Variants in KYAT3 observed in about 807,000 individuals in gnomAD.
KYAT3 encodes kynurenine--oxoglutarate transaminase 3.
A neutral mutation model predicts 59.0 loss-of-function variants in KYAT3; 50 were observed. The ratio of observed to expected loss-of-function variants is 0.85; its 90% CI spans 0.68 to 1.07. The LOEUF is 1.07. Ranked by LOEUF, KYAT3 falls within the 50% of genes least tolerant of loss-of-function variation. KYAT3 has a pLI of 0.00. For missense variants in KYAT3, 497 were observed against 533.3 expected (o/e 0.93, Z 0.67); for synonymous variants, 148 against 177.0 (o/e 0.84, Z 1.30).
In KYAT3 at chr1:88,961,437, A is replaced by C. The variant is rs571255203; in HGVS notation, c.610T>G (p.Phe204Val). ...ATAATAGCTTTGGTTTTGGAATTAA[A>C]TTTACTTTCCAGTTCTTGAGGATCT... Reference protein sequence around the residue: ...TLDPQELESKFNSKTKAIILN... With the variant: ...TLDPQELESKVNSKTKAIILN... The change falls in exon 7 of 14, where the codon TTT becomes GTT. Residue 204 changes from phenylalanine (F) to valine (V), a missense_variant. Physicochemically the swap from Phe to Val is conservative, Grantham distance 50. Coordinates refer to ENST00000260508, the MANE Select transcript of KYAT3 (RefSeq NM_001008661.3). The C allele has an allele frequency of 2.5e-6, 4 of 1,613,946 alleles. No homozygotes were observed. The South Asian group carries it at 4.4e-5, about 18-fold the overall frequency.
intron 11 of KYAT3, among the ~76,000 whole-genome samples, chr1:88,947,892 G>C (rs1675506252): frequency 6.6e-6 from 1 of 152,100 alleles, no homozygotes; most frequent in Non-Finnish European, 1.5e-5. Flanking sequence ...AGGAATTCAT[G>C]ACCAGCCTGG....
At chr1:88,959,592 A>T (rs1372606961) in intron 8 of KYAT3, among the ~76,000 whole-genome samples, 2 of 143,414 alleles carry the variant, frequency 1.4e-5, no homozygotes, top group Non-Finnish European at 3.1e-5. Context: ...AAAAAAAAAA[A>T]ATTAAATAAC....
intron 2 of KYAT3, among the ~76,000 whole-genome samples, chr1:88,974,535 A>G (rs1034006345): frequency 7.6e-6 from 1 of 132,062 alleles, no homozygotes; most frequent in Admixed American, 9.1e-5. Context: ...GTGCAGTGGC[A>G]TGATCTCGGC....
chr1:88,992,524 G>C (rs1677872150), intron 1 of KYAT3, 61 bp downstream of exon 1: 1 of 152,566 alleles, frequency 6.6e-6, no homozygotes, highest in Admixed American at 6.5e-5. Flanking sequence ...CCGTACGCCG[G>C]GACGGCCCTA....
chr1:88,927,461 T>G, the KYAT3 span, among the ~76,000 whole-genome samples: 2 of 152,288 alleles, frequency 1.3e-5, no homozygotes, highest in African/African-American at 4.8e-5. Flanking sequence ...AACTTTCTTT[T>G]CATTAAGAGA....
intron 8 of KYAT3, among the ~76,000 whole-genome samples, chr1:88,960,291 T>G (rs917260854): frequency 2.6e-5 from 4 of 151,960 alleles, no homozygotes; most frequent in African/African-American, 9.7e-5. Context: ...TCTCTTAATC[T>G]TTTCATCTTT....
At chr1:88,986,006 C>T (rs927057061) in intron 2 of KYAT3, among the ~76,000 whole-genome samples, 2 of 151,870 alleles carry the variant, frequency 1.3e-5, no homozygotes, top group African/African-American at 4.8e-5. Flanking sequence ...CATGGCAAAA[C>T]CCCGTCTCTA....
At position 88,943,420 on chromosome 1, in the gene KYAT3, G is replaced by A. The variant is rs111863746; in HGVS notation, c.1145C>T (p.Pro382Leu). 1.9e-6 allele frequency: 3 copies of A among 1,550,184 alleles called. No homozygotes were observed. The African/African-American group carries it at 4.2e-5, about 22-fold the overall frequency. ...ATTATTCTTCATATCAGAGAGGTCT[G>A]GATCTAAAACCACAATGAAAATTAG... is the stretch of plus-strand genomic sequence containing the variant. ...FIIADVSLLD[P>L]DLSDMKNNEP... The change falls in exon 12 of 14, where the codon CCA becomes CTA. Residue 382 changes from proline (P) to leucine (L), a missense_variant. Around this residue, in one of 2 missense-constraint regions of KYAT3, gnomAD observed 469 missense variants for 479.1 expected, o/e 0.98. Coordinates refer to ENST00000260508, the MANE Select transcript of KYAT3 (RefSeq NM_001008661.3).
chr1:88,954,910 C>T (rs1675841288), intron 9 of KYAT3, among the ~76,000 whole-genome samples: 1 of 152,138 alleles, frequency 6.6e-6, no homozygotes. Context: ...TGCAGGCATG[C>T]ACCACCCTGC....
chr1:88,982,846 G>A, intron 2 of KYAT3: 1 of 1,613,948 alleles, frequency 6.2e-7, no homozygotes, highest in Non-Finnish European at 8.5e-7. Context: ...GGCTGCTTGA[G>A]TAACTGTCTC....
At chr1:88,934,322 C>T (rs374654494), downstream of KYAT3, among the ~76,000 whole-genome samples, 25 of 152,114 alleles carry the variant, frequency 1.6e-4, no homozygotes, top group South Asian at 1.5e-3. Context: ...GGTGTGGTGG[C>T]GCACACTTGT....
At chr1:88,943,866 A>G (rs1675337606) in intron 11 of KYAT3, among the ~76,000 whole-genome samples, 2 of 152,198 alleles carry the variant, frequency 1.3e-5, no homozygotes, top group Non-Finnish European at 2.9e-5. Flanking sequence ...TCTGTTTGGT[A>G]ACCTATCGTA....
At chr1:88,950,722 C>T (rs1675633869) in intron 10 of KYAT3, among the ~76,000 whole-genome samples, 1 of 152,186 alleles carries the variant, frequency 6.6e-6, no homozygotes, top group Admixed American at 6.5e-5. Context: ...CCACCCCCAT[C>T]TTTGTTCAAT....
Position 88,949,287 on chromosome 1 carries a change from A to G in KYAT3, c.955-10T>C. On this transcript the variant is annotated splice_polypyrimidine_tract_variant and intron_variant, in intron 10 of 13. Coordinates refer to ENST00000260508, the MANE Select transcript of KYAT3 (RefSeq NM_001008661.3). ...CTTGAGCCAAGGCTTCCTGTTTGTT[A>G]AGAATCAAAAAATATGAAAAGGCAT... The G allele has an allele frequency of 6.6e-7, 1 of 1,522,826 alleles. No homozygotes were observed. The highest frequency in any genetic ancestry group is 8.8e-7 in the Non-Finnish European group (1 of 1,141,026). 94.3% of individuals were successfully genotyped at this position (1,522,826 alleles called of 1,614,324 possible). A position where few individuals can be genotyped will look rare whatever the true frequency, so the allele number is the denominator to read the frequency against.
intron 13 of KYAT3, among the ~76,000 whole-genome samples, chr1:88,940,902 T>C (rs1165511313): frequency 1.3e-5 from 2 of 152,248 alleles, no homozygotes; most frequent in Non-Finnish European, 2.9e-5. Context: ...GCTGGCTTTG[T>C]CTGTAATTTG....
intron 4 of KYAT3, among the ~76,000 whole-genome samples, chr1:88,968,412 G>A (rs1020472934): frequency 6.6e-6 from 1 of 152,130 alleles, no homozygotes; most frequent in Non-Finnish European, 1.5e-5. Context: ...GTTCCTTATC[G>A]TGTTGCCATA....
intron 2 of KYAT3, chr1:88,983,913 C>A: frequency 6.7e-7 from 1 of 1,495,262 alleles, no homozygotes; most frequent in Admixed American, 1.7e-5. Flanking sequence ...CAGCTCAGCA[C>A]CAGTGGCGGC....
At chr1:88,982,990 AC>A (rs1677184327) in intron 2 of KYAT3, 1 of 1,613,130 alleles carries the variant, frequency 6.2e-7, no homozygotes, top group African/African-American at 1.3e-5. Context: ...CTCTGTAGGA[AC>A]CTCCACTTGG....
chr1:88,967,646 T>C (rs1383628390), intron 4 of KYAT3, among the ~76,000 whole-genome samples: 2 of 152,298 alleles, frequency 1.3e-5, no homozygotes, highest in South Asian at 2.1e-4. Context: ...TTAAATAATC[T>C]GTTCATTTCA....
Sources: allele counts gnomAD v4.1 joint callset (sites outside exome capture counted in the v4.1 genomes callset), GRCh38; gene constraint gnomAD v4.1.1; regional missense constraint gnomAD v4.1.1; transcripts MANE v1.5; gene names NCBI Gene and HGNC (gene_info 2026-07-23, HGNC 2026-07-21).